PLXNB3: variants seen among roughly 807,000 people sequenced by gnomAD.
The protein encoded by PLXNB3 is plexin-B3.
PLXNB3 carries 80 observed loss-of-function variants against 125.7 expected under a neutral mutation model. The observed-to-expected ratio is 0.64, with a 90% CI of 0.53 to 0.77. The LOEUF is 0.77. Among genes scored for constraint, PLXNB3 ranks in the 30% least tolerant of loss-of-function variants. The probability of loss-of-function intolerance (pLI) is 0.00; values close to 1 mark genes in which losing one functional copy is unlikely to be tolerated. For synonymous variants in PLXNB3, 954 were observed against 783.3 expected (o/e 1.22, Z -3.64); for missense variants, 1,836 against 1,729.3 (o/e 1.06, Z -1.09).
intron 7 of PLXNB3, 74 bp from the exon 8 acceptor site, chrX:153,770,018 T>G (rs951735647): frequency 1.7e-6 from 2 of 1,188,734 alleles, no homozygotes; most frequent in Non-Finnish European, 2.3e-6. Flanking sequence ...CCTCCCGTCC[T>G]CCTTCCTCTC....
At position 153,771,537 on chromosome X, in the gene PLXNB3, C is replaced by T. The variant is rs781903961; in HGVS notation, c.2399C>T (p.Ala800Val). 5.8e-6 allele frequency: 7 copies of T among 1,206,313 alleles called. No homozygotes were observed. The highest frequency in any genetic ancestry group is 5.3e-5 in the South Asian group (3 of 56,424). Residue 800 changes from alanine to valine, a missense_variant, in exon 14 of 36, where the codon GCG becomes GTG. Physicochemically the swap from Ala to Val is moderately conservative, Grantham distance 64. Transcript: ENST00000361971. ...MGHPDCSHCQAANRSLGCLWC... is the reference protein window; with the variant it reads ...MGHPDCSHCQVANRSLGCLWC... Reference sequence around the variant, plus strand: ...CACCCGGACTGCAGCCACTGCCAAGCGGCCAACAGGAGCCTGGGCTGCCTG... The same window carrying T: ...CACCCGGACTGCAGCCACTGCCAAGTGGCCAACAGGAGCCTGGGCTGCCTG...
chrX:153,767,854 G>A lies in PLXNB3; in HGVS notation c.1027G>A (p.Gly343Ser), dbSNP rs1434738521. 4 of 1,132,065 alleles carry A rather than the reference G, an allele frequency of 3.5e-6. No homozygotes were observed. The highest frequency in any genetic ancestry group is 2.9e-5 in the Admixed American group (1 of 34,688). The allele number at this position is 1,132,065 out of a possible 1,213,427, so 93.3% of individuals were successfully genotyped here. Residue 343 changes from glycine to serine, a missense_variant, in exon 3 of 36, where the codon GGC (glycine) becomes AGC (serine). By Grantham distance (56) the Gly-to-Ser change is moderately conservative (BLOSUM62 0). Coordinates refer to ENST00000361971, the MANE Select transcript of PLXNB3 (RefSeq NM_005393.3). ...CACGGCGGGCGGCCGGGGCCCCAGC[G>A]GCGCAGAGGAAGCCACCGTGGAGTA... ...CYTAGGRGPS[G>S]AEEATVEYGV...
intron 2 of PLXNB3, chrX:153,766,064 G>A: frequency 9.4e-7 from 1 of 1,058,932 alleles, no homozygotes. Flanking sequence ...GCCAGGCCCT[G>A]AGAGACCCAA....
chrX:153,773,486 C>CCCGCCCA, intron 18 of PLXNB3, 32 bp from the exon 19 acceptor site: 2 of 1,181,302 alleles, frequency 1.7e-6, no homozygotes, highest in East Asian at 6.0e-5. Flanking sequence ...TTGCCCACCG[C>CCCGCCCA]CCGCCCACAC....
In PLXNB3 at chrX:153,778,021, G is replaced by A. The variant is rs782133606; in HGVS notation, c.5335G>A (p.Val1779Met). ...CTTTGATGTACGGGTGTCGGACAAT[G>A]TGGACGCCATCCTTGCTGTCATCGC... ...LIFDVRVSDN[V>M]DAILAVIAQT... The change falls in exon 32 of 36, where the codon GTG (valine) becomes ATG (methionine). Residue 1779 changes from valine to methionine, a missense_variant. By Grantham distance (21) the Val-to-Met change is conservative. Transcript: ENST00000361971. 7.4e-6 allele frequency: 9 copies of A among 1,210,791 alleles called. No homozygotes were observed. The South Asian group carries it at 1.6e-4, about 21-fold the overall frequency.
At position 153,776,078 on chromosome X, in the gene PLXNB3, C is replaced by A. The variant is rs782434646; in HGVS notation, c.4593C>A (p.Gly1531=). ...LVGPGAGGAA[G]SSEMQRVPAR... is the part of the protein sequence containing the mutation. ...GGCCCGGGGCTGGCGGGGCCGCAGGCAGCAGCGAGATGCAGCGCGTGCCAG... is the reference window on the plus strand; with the variant it reads ...GGCCCGGGGCTGGCGGGGCCGCAGGAAGCAGCGAGATGCAGCGCGTGCCAG... The change falls in exon 27 of 36, where the codon GGC becomes GGA. Residue 1531 remains glycine (G), a synonymous_variant. Transcript: ENST00000361971. The A allele has an allele frequency of 1.7e-6, 2 of 1,196,315 alleles. No individual in the cohort carries two copies. Among genetic ancestry groups the A allele is most frequent in the Non-Finnish European group, 2.3e-6 (2 of 888,090 alleles).
intron 16 of PLXNB3, 155 bp from the exon 17 acceptor site, chrX:153,772,731 T>C (rs1557062426): frequency 1.9e-6 from 2 of 1,033,227 alleles, no homozygotes; most frequent in African/African-American, 3.9e-5. Context: ...CAGTGTGCAG[T>C]GGCCTCGGGA....
At position 153,778,407 on chromosome X, in the gene PLXNB3, A is replaced by G. The variant is rs1557065303; in HGVS notation, c.5486A>G (p.Asp1829Gly). Residue 1829 changes from aspartate (D) to glycine (G), a missense_variant, in exon 34 of 36, where the codon GAC (aspartate) becomes GGC (glycine). Transcript: ENST00000361971. ...GTCTGCTCCTCCAGGTACTATGCGG[A>G]CATTCGCCAGAGCTCTCCGGCGAGC... is the stretch of plus-strand genomic sequence containing the variant. ...YKQMVERYYA[D>G]IRQSSPASYQ... 9 of 1,209,929 alleles carry G rather than the reference A, an allele frequency of 7.4e-6. No homozygotes were observed. Among genetic ancestry groups the G allele is most frequent in the African/African-American group, 1.7e-5 (1 of 57,314 alleles).
In PLXNB3 at chrX:153,768,355, G is replaced by A. The variant is rs1557060146; in HGVS notation, c.1193G>A (p.Ser398Asn). 4 of 1,210,788 alleles carry A rather than the reference G, an allele frequency of 3.3e-6. No homozygotes were observed. The Admixed American group carries it at 8.7e-5, about 26-fold the overall frequency. ...QPLLKLGQPVSAVAALQADGH... is the reference protein window; with the variant it reads ...QPLLKLGQPVNAVAALQADGH... ...CTGCTGAAGCTCGGGCAGCCGGTCA[G>A]CGCCGTGGCAGCTCTCCAGGCAGAT... Residue 398 changes from serine (S) to asparagine (N), a missense_variant, in exon 4 of 36, where the codon AGC becomes AAC. Transcript: ENST00000361971.
chrX:153,765,544 C>A lies in PLXNB3; in HGVS notation c.9C>A (p.His3Gln), dbSNP rs1168379326. 8.4e-7 allele frequency: 1 copy of A among 1,195,285 alleles called. No homozygotes were observed. The highest frequency in any genetic ancestry group is 1.7e-5 in the African/African-American group (1 of 57,212). Residue 3 changes from histidine (H) to glutamine (Q), a missense_variant, in exon 2 of 36, where the codon CAC becomes CAA. Physicochemically the swap from His to Gln is conservative, Grantham distance 24. Coordinates refer to ENST00000361971, the MANE Select transcript of PLXNB3 (RefSeq NM_005393.3). Reference protein sequence around the residue: MCHAAQETPLLHH... With the variant: MCQAAQETPLLHH... ...GCAGCTGAACTGAGCGTATGTGCCA[C>A]GCCGCCCAGGAGACCCCTCTGCTGC...
chrX:153,766,992 C>A lies in PLXNB3; in HGVS notation c.165C>A (p.Asn55Lys). The change falls in exon 3 of 36, where the codon AAC becomes AAA. Residue 55 changes from asparagine to lysine, a missense_variant. Coordinates refer to ENST00000361971, the MANE Select transcript of PLXNB3 (RefSeq NM_005393.3). ...HRFSAPNTTL[N>K]HLALAPGRGT... ...TCTCCGCACCTAATACCACTCTCAACCACTTGGCACTGGCACCTGGCCGAG... is the reference window on the plus strand; with the variant it reads ...TCTCCGCACCTAATACCACTCTCAAACACTTGGCACTGGCACCTGGCCGAG... 8.3e-7 allele frequency: 1 copy of A among 1,211,173 alleles called. No homozygotes were observed. Among genetic ancestry groups the A allele is most frequent in the East Asian group, 3.0e-5 (1 of 33,844 alleles).
chrX:153,776,760 T>TGGGGCAGGGTGAGGC (rs2148432184), intron 28 of PLXNB3, 127 bp from the exon 29 acceptor site: 5 of 237,275 alleles, frequency 2.1e-5, no homozygotes, highest in South Asian at 9.2e-5. Context: ...AGGGATGGGG[T>TGGGGCAGGGTGAGGC]GGGGCAGGGT....
At chrX:153,765,704 T>C in intron 2 of PLXNB3, 124 bp downstream of exon 2, 1 of 1,144,880 alleles carries the variant, frequency 8.7e-7, no homozygotes, top group Non-Finnish European at 1.2e-6. Context: ...CTGCCCCAGA[T>C]AGCCCGGGGT....
At chrX:153,766,568 A>ATC in intron 2 of PLXNB3, 1 of 1,022,786 alleles carries the variant, frequency 9.8e-7, no homozygotes, top group Non-Finnish European at 1.2e-6. Context: ...CCCTTCAACA[A>ATC]TCTACATGCA....
At position 153,771,362 on chromosome X, in the gene PLXNB3, A is replaced by G. The variant is rs782126891; in HGVS notation, c.2306A>G (p.Gln769Arg). The G allele has an allele frequency of 2.0e-4, 236 of 1,209,349 alleles. No homozygotes were observed. In the South Asian group the frequency reaches 3.9e-3, roughly 20 times the overall value. The change falls in exon 13 of 36, where the codon CAG becomes CGG. Residue 769 changes from glutamine to arginine, a missense_variant. Physicochemically the swap from Gln to Arg is conservative, Grantham distance 43 (BLOSUM62 1). Transcript: ENST00000361971. ...CTCCCAGTGCCCATCTACGTCACCC[A>G]GGGTGAAGCCCAGAGGCTGGACAAC... ...RELPVPIYVT[Q>R]GEAQRLDNTH... is the part of the protein sequence containing the mutation.
chrX:153,778,898 G>T, intron 35 of PLXNB3, 37 bp from the exon 36 acceptor site: 1 of 1,121,276 alleles, frequency 8.9e-7, no homozygotes. Flanking sequence ...CAGGCAGAGG[G>T]GCAGGCTCAG....
chrX:153,765,031 A>G (rs1439043873), intron 1 of PLXNB3, among the ~76,000 whole-genome samples: 2 of 113,026 alleles, frequency 1.8e-5, no homozygotes, highest in African/African-American at 6.4e-5. Context: ...CCCAGGCCCC[A>G]AGGCTACCAG....
Position 153,772,281 on chromosome X carries a change from C to A in PLXNB3, c.2769C>A (p.Thr923=), listed in dbSNP as rs781906540. 8.4e-7 allele frequency: 1 copy of A among 1,196,317 alleles called. No homozygotes were observed. Among genetic ancestry groups the A allele is most frequent in the South Asian group, 1.8e-5 (1 of 56,130 alleles). The change falls in exon 16 of 36, where the codon ACC becomes ACA. Residue 923 remains threonine (T), a synonymous_variant. Transcript: ENST00000361971. ...QPPGISSQHF[T]YQDPVLLSLS... ...CAGGCATCTCAAGCCAGCACTTCAC[C>A]TACCAGGTCAGTGGCCTCCCAGGTG...
chrX:153,777,802 G>C, intron 31 of PLXNB3, 114 bp downstream of exon 31: 1 of 1,072,115 alleles, frequency 9.3e-7, no homozygotes, highest in East Asian at 3.0e-5. Flanking sequence ...CTTACAGGAA[G>C]ATCTAGGGCC....
Sources: gnomAD v4.1 joint callset for allele counts (sites outside exome capture counted in the v4.1 genomes callset) on GRCh38, gnomAD v4.1.1 for gene constraint, MANE v1.5 for transcripts, NCBI Gene and HGNC (gene_info 2026-07-23, HGNC 2026-07-21) for gene names.